Variants in TFEC observed in about 807,000 individuals in gnomAD.
The protein encoded by TFEC is class E basic helix-loop-helix protein 34.
Under a neutral mutation model 41.6 loss-of-function variants are expected in TFEC, and 31 were observed. The observed-to-expected ratio is 0.74, with a 90% confidence interval of 0.56 to 1.01. The LOEUF is 1.01. Among genes scored for constraint, TFEC ranks in the 50% least tolerant of loss-of-function variants. TFEC has a pLI of 0.00. For synonymous variants in TFEC, 143 were observed against 140.6 expected, an observed-to-expected ratio of 1.02 and a Z score of -0.12; for missense variants, 402 against 404.1, an observed-to-expected ratio of 0.99 and a Z score of 0.04.
intron 3 of TFEC, among the ~76,000 whole-genome samples, chr7:116,041,813 C>T (rs1042928028): frequency 3.3e-5 from 5 of 152,164 alleles, no homozygotes; most frequent in South Asian, 4.1e-4. Flanking sequence ...CATACCCACA[C>T]GCACAGACGC....
Position 115,942,028 on chromosome 7 carries a change from C to T in TFEC, c.528G>A (p.Trp176Ter), listed in dbSNP as rs865809159. The T allele has an allele frequency of 1.2e-6, 2 of 1,612,218 alleles. No individual in the cohort carries two copies. Among genetic ancestry groups the T allele is most frequent in the South Asian group, 1.1e-5 (1 of 90,920 alleles). The change falls in exon 7 of 8, where the codon TGG (tryptophan) becomes TGA (stop). Residue 176 changes from tryptophan to a stop codon, truncating the protein, a stop_gained. Transcript: ENST00000265440. LOFTEE classifies it high-confidence loss of function. ...IPKSNDPDMR[W>*]NKGTILKASV... is the part of the protein sequence containing the mutation. ...ATGCTTTTAGAATGGTTCCTTTGTT[C>T]CAGCGCATATCACTGTAGAATGGAG... is the stretch of plus-strand genomic sequence containing the variant.
chr7:116,010,893 C>A (rs1794977074), intron 1 of TFEC, among the ~76,000 whole-genome samples: 1 of 151,990 alleles, frequency 6.6e-6, no homozygotes, highest in African/African-American at 2.4e-5. Flanking sequence ...TGCATTCAAC[C>A]CTTTGATACA....
At chr7:116,139,948 G>T (rs1798507892) in intron 1 of TFEC, among the ~76,000 whole-genome samples, 1 of 152,224 alleles carries the variant, frequency 6.6e-6, no homozygotes, top group Non-Finnish European at 1.5e-5. Context: ...CTGGATTGCA[G>T]ATGTCCAAGA....
At chr7:116,085,628 A>G (rs536022415) in intron 3 of TFEC, among the ~76,000 whole-genome samples, 44 of 152,036 alleles carry the variant, frequency 2.9e-4, no homozygotes, top group African/African-American at 9.6e-4. Flanking sequence ...AAAATTATTG[A>G]ATAAGATTTT....
chr7:116,030,721 G>A lies in TFEC; in HGVS notation c.-161C>T. ...TTCCCATAACATATGCACCATGCCA[G>A]AAGGGACAACCAAAGTAAACGATCT... On this transcript the variant is annotated 5_prime_UTR_variant, in exon 1 of 8. Coordinates refer to ENST00000265440, the MANE Select transcript of TFEC (RefSeq NM_012252.4). 1 of 985,380 alleles carries A rather than the reference G, an allele frequency of 1.0e-6. No individual in the cohort carries two copies. Among genetic ancestry groups the A allele is most frequent in the Non-Finnish European group, 1.2e-6 (1 of 829,932 alleles). The allele number at this position is 985,380 out of a possible 1,614,324, so 61.0% of individuals were successfully genotyped here. A position where few individuals can be genotyped will look rare whatever the true frequency, so the allele number is the denominator to read the frequency against.
intron 3 of TFEC, among the ~76,000 whole-genome samples, chr7:116,104,529 T>C (rs111978533): frequency 0.018 from 2,747 of 152,290 alleles, 29 homozygotes; most frequent in Non-Finnish European, 0.03. Flanking sequence ...GTCCGAACCA[T>C]GCATTCCTTA....
At chr7:115,962,988 C>T (rs570894363) in intron 3 of TFEC, among the ~76,000 whole-genome samples, 3 of 151,790 alleles carry the variant, frequency 2.0e-5, no homozygotes, top group Non-Finnish European at 4.4e-5. Context: ...TCTCCTAATG[C>T]TATCCCTCCC....
intron 3 of TFEC, among the ~76,000 whole-genome samples, chr7:116,046,329 G>C (rs1416975415): frequency 6.6e-6 from 1 of 152,186 alleles, no homozygotes; most frequent in Non-Finnish European, 1.5e-5. Flanking sequence ...AGGGACCCAG[G>C]AGGAGGTAAC....
At chr7:116,153,878 G>C (rs1798814918) in intron 1 of TFEC, among the ~76,000 whole-genome samples, 2 of 152,200 alleles carry the variant, frequency 1.3e-5, no homozygotes, top group Admixed American at 1.3e-4. Context: ...CCAGTGAGCT[G>C]TGAGATAACT....
At chr7:116,017,057 T>C (rs571586834) in intron 1 of TFEC, among the ~76,000 whole-genome samples, 2 of 152,312 alleles carry the variant, frequency 1.3e-5, no homozygotes, top group South Asian at 2.1e-4. Flanking sequence ...ACCAGAGCTC[T>C]AGTCCAAGCC....
chr7:116,015,781 C>A (rs1795166000), intron 1 of TFEC, among the ~76,000 whole-genome samples: 1 of 151,828 alleles, frequency 6.6e-6, no homozygotes, highest in Non-Finnish European at 1.5e-5. Flanking sequence ...AAGATGGCAC[C>A]AAAATAAGGA....
intron 1 of TFEC, among the ~76,000 whole-genome samples, chr7:116,155,821 T>C (rs1274593675): frequency 6.6e-6 from 1 of 152,160 alleles, no homozygotes; most frequent in African/African-American, 2.4e-5. Flanking sequence ...ACCTTACCAA[T>C]AAAATAAAAT....
chr7:115,956,677 A>G lies in TFEC; in HGVS notation c.382+2T>C, dbSNP rs1356360070. On this transcript the variant is annotated splice_donor_variant, in intron 4 of 7. Coordinates refer to ENST00000265440, the MANE Select transcript of TFEC (RefSeq NM_012252.4). LOFTEE classifies it high-confidence loss of function. ...AGGGTAAAACTATAAAAGCAACATT[A>G]CCTGTAATTTCTCTTTTCATTGGTA... The G allele has an allele frequency of 5.0e-6, 8 of 1,591,744 alleles. No individual in the cohort carries two copies. Among genetic ancestry groups the G allele is most frequent in the Non-Finnish European group, 6.9e-6 (8 of 1,166,808 alleles).
At chr7:115,997,196 C>T (rs1794401497) in intron 1 of TFEC, among the ~76,000 whole-genome samples, 1 of 152,188 alleles carries the variant, frequency 6.6e-6, no homozygotes, top group Non-Finnish European at 1.5e-5. Flanking sequence ...CAGAGGGGTG[C>T]TTGTGTCACC....
chr7:116,133,034 T>C (rs1798363430), intron 1 of TFEC, among the ~76,000 whole-genome samples: 1 of 152,238 alleles, frequency 6.6e-6, no homozygotes, highest in Admixed American at 6.5e-5. Context: ...CTTTAGAAAA[T>C]AAATTATTAC....
chr7:116,100,208 A>G (rs1329214422), intron 3 of TFEC, among the ~76,000 whole-genome samples: 1 of 152,226 alleles, frequency 6.6e-6, no homozygotes, highest in Non-Finnish European at 1.5e-5. Flanking sequence ...TTAAACCACT[A>G]TAGACTGTGG....
At chr7:115,949,627 T>A (rs1233054496) in intron 6 of TFEC, among the ~76,000 whole-genome samples, 1 of 151,996 alleles carries the variant, frequency 6.6e-6, no homozygotes, top group African/African-American at 2.4e-5. Context: ...TAAATGGTGC[T>A]GGGAAAACTG....
intron 1 of TFEC, among the ~76,000 whole-genome samples, chr7:116,023,923 G>T (rs1795491788): frequency 6.6e-6 from 1 of 152,072 alleles, no homozygotes. Flanking sequence ...AAATATTGAG[G>T]CAATTAGTGG....
At chr7:115,954,505 G>T in intron 5 of TFEC, 81 bp downstream of exon 5, 1 of 1,128,790 alleles carries the variant, frequency 8.9e-7, no homozygotes, top group Non-Finnish European at 1.2e-6. Flanking sequence ...AAATACTTAT[G>T]GAGTATAATA....
Sources: gnomAD v4.1 joint callset for allele counts (sites outside exome capture counted in the v4.1 genomes callset) on GRCh38, gnomAD v4.1.1 for gene constraint, MANE v1.5 for transcripts, NCBI Gene and HGNC (gene_info 2026-07-23, HGNC 2026-07-21) for gene names.